MAGI1: variants seen among roughly 807,000 people sequenced by gnomAD.
The protein encoded by MAGI1 is membrane-associated guanylate kinase, WW and PDZ domain-containing protein 1.
In MAGI1, 58 loss-of-function variants were observed where a neutral mutation model predicts 139.9. The observed-to-expected ratio is 0.41, with a 90% CI of 0.34 to 0.52. The LOEUF (loss-of-function observed/expected upper bound fraction) is 0.52. Ranked by LOEUF, MAGI1 falls within the 20% of genes least tolerant of loss-of-function variation. The probability of loss-of-function intolerance (pLI) is 0.12; values close to 1 mark genes in which losing one functional copy is unlikely to be tolerated. For missense variants in MAGI1, 1,874 were observed against 1,901.6 expected (o/e 0.99, Z 0.27); for synonymous variants, 812 against 737.9 (o/e 1.10, Z -1.63).
At chr3:65,707,468 T>C (rs1339235674) in intron 1 of MAGI1, among the ~76,000 whole-genome samples, 1 of 152,124 alleles carries the variant, frequency 6.6e-6, no homozygotes, top group African/African-American at 2.4e-5. Context: ...GGTGATTGTT[T>C]GAGCCCAGGA....
chr3:65,786,513 G>A (rs113008552), intron 1 of MAGI1, among the ~76,000 whole-genome samples: 8,686 of 151,616 alleles, frequency 0.057, 370 homozygotes, highest in Non-Finnish European at 0.091. Flanking sequence ...TCCCCATGTT[G>A]CCTGGTCTTG....
intron 1 of MAGI1, among the ~76,000 whole-genome samples, chr3:66,032,235 T>C (rs2068644507): frequency 6.6e-6 from 1 of 151,872 alleles, no homozygotes; most frequent in South Asian, 2.1e-4. Flanking sequence ...TTTTTTGAGA[T>C]GAGTCTCACT....
chr3:65,836,356 T>A (rs991004282), intron 1 of MAGI1, among the ~76,000 whole-genome samples: 1 of 152,240 alleles, frequency 6.6e-6, no homozygotes, highest in Non-Finnish European at 1.5e-5. Flanking sequence ...CACAGTATAA[T>A]GTTCATTCAC....
chr3:65,529,271 T>C (rs961074478), intron 2 of MAGI1, among the ~76,000 whole-genome samples: 10 of 152,196 alleles, frequency 6.6e-5, no homozygotes, highest in Non-Finnish European at 1.2e-4. Context: ...TCAGTGACAG[T>C]ACATTCATAA....
chr3:65,476,069 C>T (rs1950872466), intron 4 of MAGI1, among the ~76,000 whole-genome samples: 1 of 151,856 alleles, frequency 6.6e-6, no homozygotes, highest in Middle Eastern at 3.2e-3. Flanking sequence ...TACGTGCAAA[C>T]TGGCTGGTGG....
intron 1 of MAGI1, among the ~76,000 whole-genome samples, chr3:65,713,548 G>C (rs1386031573): frequency 6.6e-6 from 1 of 152,108 alleles, no homozygotes; most frequent in Non-Finnish European, 1.5e-5. Flanking sequence ...AGAAGCCTAA[G>C]CCCCAACAAT....
intron 22 of MAGI1, chr3:65,360,611 T>TA: frequency 1.0e-6 from 1 of 985,606 alleles, no homozygotes; most frequent in African/African-American, 1.7e-5. Context: ...TTATGGCTAA[T>TA]ATATTAACAG....
intron 13 of MAGI1, among the ~76,000 whole-genome samples, chr3:65,391,991 A>T (rs1943954651): frequency 6.6e-6 from 1 of 152,222 alleles, no homozygotes; most frequent in African/African-American, 2.4e-5. Flanking sequence ...CAATTTGGCA[A>T]GCATTACACT....
intron 2 of MAGI1, among the ~76,000 whole-genome samples, chr3:65,559,536 T>C (rs2080240140): frequency 6.6e-6 from 1 of 152,206 alleles, no homozygotes; most frequent in South Asian, 2.1e-4. Context: ...TGAAATAGAT[T>C]TCTCTCTAAT....
At chr3:65,968,878 TGTAA>T (rs1426603532) in intron 1 of MAGI1, among the ~76,000 whole-genome samples, 1 of 152,194 alleles carries the variant, frequency 6.6e-6, no homozygotes, top group African/African-American at 2.4e-5. Context: ...ATAACATCCC[TGTAA>T]GTTTCATGCA....
chr3:65,987,189 A>G (rs956283760), intron 1 of MAGI1, among the ~76,000 whole-genome samples: 1 of 152,156 alleles, frequency 6.6e-6, no homozygotes, highest in African/African-American at 2.4e-5. Flanking sequence ...TTTTAAGCCT[A>G]CCTGTCAAGG....
chr3:65,787,844 G>C (rs1384477495), intron 1 of MAGI1, among the ~76,000 whole-genome samples: 2 of 152,134 alleles, frequency 1.3e-5, no homozygotes, highest in Non-Finnish European at 2.9e-5. Context: ...CCTGTGCCAA[G>C]GACTGAAGAC....
intron 5 of MAGI1, among the ~76,000 whole-genome samples, chr3:65,463,566 G>GTGTA (rs1046936170): frequency 3.5e-5 from 2 of 57,916 alleles, no homozygotes; most frequent in African/African-American, 6.8e-5. Context: ...AAATGTGTGT[G>GTGTA]TGTGTGTGTG....
chr3:65,809,506 G>T (rs1219934205), intron 1 of MAGI1, among the ~76,000 whole-genome samples: 1 of 152,116 alleles, frequency 6.6e-6, no homozygotes, highest in Non-Finnish European at 1.5e-5. Flanking sequence ...TGAATGGGGT[G>T]GGAAAGAACA....
chr3:65,754,795 A>AG (rs2036430758), intron 1 of MAGI1, among the ~76,000 whole-genome samples: 1 of 152,206 alleles, frequency 6.6e-6, no homozygotes, highest in African/African-American at 2.4e-5. Context: ...TCCAAATCGG[A>AG]GACTAAATCT....
At chr3:65,830,349 G>A (rs1362237907) in intron 1 of MAGI1, among the ~76,000 whole-genome samples, 4 of 151,684 alleles carry the variant, frequency 2.6e-5, no homozygotes, top group Admixed American at 1.3e-4. Flanking sequence ...CACAGAGAGA[G>A]AGAAAGAAAA....
At chr3:65,419,858 G>A (rs1401559683) in intron 12 of MAGI1, among the ~76,000 whole-genome samples, 1 of 152,116 alleles carries the variant, frequency 6.6e-6, no homozygotes, top group Non-Finnish European at 1.5e-5. Flanking sequence ...GTAGAGTAGT[G>A]GGGACAGAGA....
At chr3:65,797,519 T>C (rs1272740074) in intron 1 of MAGI1, among the ~76,000 whole-genome samples, 1 of 152,132 alleles carries the variant, frequency 6.6e-6, no homozygotes, top group Non-Finnish European at 1.5e-5. Flanking sequence ...GCCCCAGAGT[T>C]CGAGACCAGC....
chr3:65,382,145 G>T, intron 15 of MAGI1, 76 bp from the exon 16 acceptor site: 1 of 1,232,986 alleles, frequency 8.1e-7, no homozygotes. Flanking sequence ...TCACATCTCT[G>T]GGAACAATTC....
Sources: gnomAD v4.1 joint callset for allele counts (sites outside exome capture counted in the v4.1 genomes callset) on GRCh38, gnomAD v4.1.1 for gene constraint, MANE v1.5 for transcripts, NCBI Gene and HGNC (gene_info 2026-07-23, HGNC 2026-07-21) for gene names.